The following AFTPH variants were observed in gnomAD, a reference collection of about 807,000 sequenced individuals.
AFTPH encodes the protein aftiphilin, also known as aftiphilin protein.
In AFTPH, 7 loss-of-function variants were observed where a neutral mutation model predicts 72.5. The observed-to-expected ratio is 0.10, with a 90% CI of 0.05 to 0.18. The LOEUF is 0.18. Ranked by LOEUF, AFTPH falls within the 10% of genes least tolerant of loss-of-function variation. The pLI, the probability that AFTPH is intolerant of heterozygous loss-of-function variation, is 1.00. For synonymous variants in AFTPH, 337 were observed against 370.1 expected, an observed-to-expected ratio of 0.91 and a Z score of 1.03; for missense variants, 979 against 1,060.5, an observed-to-expected ratio of 0.92 and a Z score of 1.07.
At chr2:64,554,853 T>A (rs111393183) in intron 2 of AFTPH, among the ~76,000 whole-genome samples, 6 of 152,354 alleles carry the variant, frequency 3.9e-5, no homozygotes, top group African/African-American at 1.4e-4. Flanking sequence ...GACACTGGTA[T>A]TGGGTGATCT....
chr2:64,574,046 TCTCA>T (rs1384724829), intron 6 of AFTPH, among the ~76,000 whole-genome samples: 1 of 152,252 alleles, frequency 6.6e-6, no homozygotes, highest in African/African-American at 2.4e-5. Flanking sequence ...TAAAGTCTTC[TCTCA>T]CTTTTTGTTC....
Position 64,582,262 on chromosome 2 carries a change from A to G in AFTPH, c.2455+2716A>G, listed in dbSNP as rs139583368. On this transcript the variant is annotated intron_variant, in intron 7 of 8. Coordinates refer to ENST00000238856, the Ensembl canonical transcript of AFTPH. ...CTGGTTTTGTGCTATTCCACTAGATAGTGCTACCACCCACTTCCAACAGTT... is the reference window on the plus strand; with the variant it reads ...CTGGTTTTGTGCTATTCCACTAGATGGTGCTACCACCCACTTCCAACAGTT... 3.7e-3 allele frequency among the ~76,000 whole-genome samples: 564 copies of G among 152,298 alleles called. 1 individual carries two copies. Among genetic ancestry groups the G allele is most frequent in the African/African-American group, 0.012 (509 of 41,556 alleles).
intron 2 of AFTPH, among the ~76,000 whole-genome samples, chr2:64,557,896 A>G (rs1671480274): frequency 6.6e-6 from 1 of 152,254 alleles, no homozygotes; most frequent in African/African-American, 2.4e-5. Flanking sequence ...ATTTCAAAAT[A>G]GAAATGCTTT....
chr2:64,538,729 T>C (rs558723653), intron 1 of AFTPH, among the ~76,000 whole-genome samples: 1 of 152,356 alleles, frequency 6.6e-6, no homozygotes, highest in Non-Finnish European at 1.5e-5. Flanking sequence ...GAGGTAAATC[T>C]GCTGTTACTT....
intron 1 of AFTPH, among the ~76,000 whole-genome samples, chr2:64,536,372 GC>G: frequency 6.6e-6 from 1 of 152,040 alleles, no homozygotes; most frequent in East Asian, 1.9e-4. Flanking sequence ...TTTGAGACCA[GC>G]CTGGCCAACA....
chr2:64,541,288 TTAAA>T (rs768568469), intron 1 of AFTPH, among the ~76,000 whole-genome samples: 5 of 152,282 alleles, frequency 3.3e-5, no homozygotes, highest in Non-Finnish European at 5.9e-5. Context: ...AAATGTCATC[TTAAA>T]TAACATATTA....
At chr2:64,592,127 A>G (rs1310369498) in exon 9 of AFTPH, 1 of 1,359,560 alleles carries the variant, frequency 7.4e-7, no homozygotes, top group Non-Finnish European at 9.8e-7. Flanking sequence ...AAAAAAAAAA[A>G]AAAAAAAATT....
exon 4 of AFTPH, chr2:64,569,134 T>A: frequency 1.2e-6 from 2 of 1,614,116 alleles, no homozygotes; most frequent in Non-Finnish European, 1.7e-6. Flanking sequence ...ATATCCATGA[T>A]GCACATGGCT....
chr2:64,528,163 G>A (rs1669394102), intron 1 of AFTPH, among the ~76,000 whole-genome samples: 1 of 152,064 alleles, frequency 6.6e-6, no homozygotes, highest in Admixed American at 6.5e-5. Flanking sequence ...AATTCCCATC[G>A]GAAAATTACA....
intron 1 of AFTPH, among the ~76,000 whole-genome samples, chr2:64,550,144 AAT>A (rs1358340310): frequency 6.6e-6 from 1 of 152,214 alleles, no homozygotes; most frequent in African/African-American, 2.4e-5. Context: ...TTTTATTTGT[AAT>A]AGGAAAATAC....
chr2:64,588,160 T>C (rs1673619265), intron 8 of AFTPH, among the ~76,000 whole-genome samples: 1 of 152,178 alleles, frequency 6.6e-6, no homozygotes, highest in African/African-American at 2.4e-5. Context: ...TTTCTGTCTC[T>C]ACAGATTTGT....
At chr2:64,556,363 T>C (rs568128206) in intron 2 of AFTPH, among the ~76,000 whole-genome samples, 1 of 152,330 alleles carries the variant, frequency 6.6e-6, no homozygotes, top group African/African-American at 2.4e-5. Context: ...TGTTCAATCT[T>C]ACCCGGATGC....
Position 64,537,615 on chromosome 2 carries a change from A to T in AFTPH, c.-33+13003A>T, listed in dbSNP as rs1468532258. On this transcript the variant is annotated intron_variant, in intron 1 of 8. Coordinates refer to ENST00000238856, the Ensembl canonical transcript of AFTPH. ...TTAAACAATTGCTAAATGCTTTCTG[A>T]AAGTGAAAATTGTTAAAATTTGCCA... Among the ~76,000 whole-genome samples, 18 of 152,350 alleles carry T rather than the reference A, an allele frequency of 1.2e-4. No homozygotes were observed. In the South Asian group the frequency reaches 3.5e-3, roughly 30 times the overall value.
At chr2:64,583,695 A>C (rs1673342637) in intron 7 of AFTPH, among the ~76,000 whole-genome samples, 1 of 152,164 alleles carries the variant, frequency 6.6e-6, no homozygotes, top group Non-Finnish European at 1.5e-5. Flanking sequence ...TTTTAATTGC[A>C]ACCCATATTC....
intron 1 of AFTPH, among the ~76,000 whole-genome samples, chr2:64,525,339 A>G (rs759920208): frequency 1.3e-5 from 2 of 152,156 alleles, no homozygotes; most frequent in African/African-American, 2.4e-5. Context: ...TCCTTGCTCT[A>G]TTAGGAAAGT....
chr2:64,540,525 A>G (rs770164983), intron 1 of AFTPH, among the ~76,000 whole-genome samples: 5 of 152,198 alleles, frequency 3.3e-5, no homozygotes, highest in Non-Finnish European at 5.9e-5. Flanking sequence ...AATGTTCGGT[A>G]GAAGAAAAAA....
intron 1 of AFTPH, among the ~76,000 whole-genome samples, chr2:64,548,082 C>T (rs1222946635): frequency 2.0e-5 from 3 of 149,300 alleles, no homozygotes; most frequent in South Asian, 4.3e-4. Context: ...TGAGCCACTG[C>T]GCCCGGCTGC....
At chr2:64,563,467 A>G (rs1053095948) in intron 2 of AFTPH, among the ~76,000 whole-genome samples, 1 of 152,138 alleles carries the variant, frequency 6.6e-6, no homozygotes, top group African/African-American at 2.4e-5. Context: ...TCTGTTTGGG[A>G]AAATCTATTT....
chr2:64,564,991 A>C (rs992180298), intron 2 of AFTPH, among the ~76,000 whole-genome samples: 1 of 151,816 alleles, frequency 6.6e-6, no homozygotes, highest in Non-Finnish European at 1.5e-5. Flanking sequence ...GGCGTGCGCC[A>C]CCATGCCCTG....
Sources: gnomAD v4.1 joint callset for allele counts (sites outside exome capture counted in the v4.1 genomes callset) on GRCh38, gnomAD v4.1.1 for gene constraint, MANE v1.5 for transcripts, NCBI Gene and HGNC (gene_info 2026-07-23, HGNC 2026-07-21) for gene names.